The following DUOX1 variants were observed in gnomAD, a reference collection of about 807,000 sequenced individuals.
DUOX1 encodes NADPH thyroid oxidase 1.
Under a neutral mutation model 181.8 loss-of-function variants are expected in DUOX1, and 134 were observed. That is an observed-to-expected ratio of 0.74 (90% CI 0.64 to 0.85). DUOX1 has a LOEUF of 0.85. Ranked by LOEUF, DUOX1 falls within the 40% of genes least tolerant of loss-of-function variation. The pLI is 0.00. For missense variants in DUOX1, 1,814 were observed against 2,064.4 expected (o/e 0.88, Z 2.35); for synonymous variants, 798 against 832.5 (o/e 0.96, Z 0.71).
chr15:45,149,938 G>T (rs1387036757), intron 21 of DUOX1, among the ~76,000 whole-genome samples: 1 of 152,228 alleles, frequency 6.6e-6, no homozygotes, highest in African/African-American at 2.4e-5. Flanking sequence ...TGAGAGTACA[G>T]GCATTAATAC....
In DUOX1 at chr15:45,142,785, AAGGGAGGG is replaced by A. The variant is rs145504684; in HGVS notation, c.1823-401_1823-394del. 4.6e-3 allele frequency among the ~76,000 whole-genome samples: 661 copies of A among 143,556 alleles called. 3 individuals are homozygous for A. Among genetic ancestry groups the A allele is most frequent in the East Asian group, 0.019 (86 of 4,626 alleles). The allele number at this position is 143,556 out of a possible 152,430, so 94.2% of individuals were successfully genotyped here. ...GAAGGAAAGAAGGAAGGAAGGAAGG[AAGGGAGGG>A]AGGAAGGGAGGGAGGAAGAGCAGGC... is the stretch of plus-strand genomic sequence containing the variant. On this transcript the variant is annotated intron_variant, in intron 15 of 33. Coordinates refer to ENST00000389037, the MANE Select transcript of DUOX1 (RefSeq NM_175940.3).
chr15:45,140,866 C>G, intron 12 of DUOX1, 29 bp from the exon 13 acceptor site: 1 of 1,609,578 alleles, frequency 6.2e-7, no homozygotes, highest in Non-Finnish European at 8.5e-7. Flanking sequence ...CGTGTCCTTT[C>G]TCTTACTTCT....
In DUOX1 at chr15:45,162,339, T is replaced by G; in HGVS notation, c.4210T>G (p.Phe1404Val). The change falls in exon 31 of 34, where the codon TTC becomes GTC. Residue 1404 changes from phenylalanine to valine, a missense_variant. Around this residue, in one of 5 missense-constraint regions of DUOX1, gnomAD observed 279 missense variants for 381.9 expected, o/e 0.73. Coordinates refer to ENST00000389037, the MANE Select transcript of DUOX1 (RefSeq NM_175940.3). Reference sequence around the variant, plus strand: ...TGCCTCCATCCTCAAAGACCTGGTCTTCAAGTCATCCGTCAGCTGCCAAGT... The same window carrying G: ...TGCCTCCATCCTCAAAGACCTGGTCGTCAAGTCATCCGTCAGCTGCCAAGT... ...PFASILKDLVFKSSVSCQVFC... is the reference protein window; with the variant it reads ...PFASILKDLVVKSSVSCQVFC... 6.2e-7 allele frequency: 1 copy of G among 1,614,122 alleles called. No homozygotes were observed. The highest frequency in any genetic ancestry group is 8.5e-7 in the Non-Finnish European group (1 of 1,180,010).
In DUOX1 at chr15:45,165,127, G is replaced by C; in HGVS notation, c.*226G>C. The C allele has an allele frequency of 1.7e-6, 1 of 576,202 alleles. No individual in the cohort carries two copies. The highest frequency in any genetic ancestry group is 4.6e-4 in the Middle Eastern group (1 of 2,178). The allele number at this position is 576,202 out of a possible 1,614,324, so 35.7% of individuals were successfully genotyped here. A position where few individuals can be genotyped will look rare whatever the true frequency, so the allele number is the denominator to read the frequency against. The stretch of plus-strand genomic sequence containing the variant: ...GTGGGGGGGCAGTGTCTAGGGACTA[G>C]AGTGAGAAGTAGGGGAGCTACTGAT... On this transcript the variant is annotated 3_prime_UTR_variant, in exon 34 of 34. Transcript: ENST00000389037.
At chr15:45,134,360 C>T (rs779897417) in intron 4 of DUOX1, 51 bp downstream of exon 4, 1 of 1,535,212 alleles carries the variant, frequency 6.5e-7, no homozygotes, top group African/African-American at 1.4e-5. Flanking sequence ...GGCTGGACAC[C>T]TCTGCATGTG....
At chr15:45,139,768 C>A in intron 12 of DUOX1, 169 bp downstream of exon 12, 2 of 787,368 alleles carry the variant, frequency 2.5e-6, no homozygotes, top group Non-Finnish European at 3.9e-6. Flanking sequence ...ATGAAGATTA[C>A]CAGACCAGCA....
intron 20 of DUOX1, 79 bp from the exon 21 acceptor site, chr15:45,148,193 G>A: frequency 6.3e-7 from 1 of 1,596,194 alleles, no homozygotes. Flanking sequence ...AGAGAACTTG[G>A]TGCGATGGAG....
At position 45,136,616 on chromosome 15, in the gene DUOX1, T is replaced by C. The variant is rs1796405774; in HGVS notation, c.1013T>C (p.Val338Ala). 2.5e-6 allele frequency: 4 copies of C among 1,613,930 alleles called. No homozygotes were observed. In the African/African-American group the frequency reaches 5.3e-5, roughly 22 times the overall value. The change falls in exon 9 of 34, where the codon GTC (valine) becomes GCC (alanine). Residue 338 changes from valine (V) to alanine (A), a missense_variant. This residue lies in a region of DUOX1 where 1,064 missense variants were observed against 1,152.9 expected (regional missense o/e 0.92). Transcript: ENST00000389037. ...CTGTCCACCATGGTGCCCCCTGGCG[T>C]CTACATGAGGTGAGGGAGGGGCTCA... ...QFLSTMVPPG[V>A]YMRNASCHFQ...
intron 4 of DUOX1, 50 bp from the exon 5 acceptor site, chr15:45,135,054 G>A (rs1567007494): frequency 6.3e-7 from 1 of 1,593,208 alleles, no homozygotes; most frequent in Non-Finnish European, 8.5e-7. Flanking sequence ...AGGGTAAGAA[G>A]GAAAGTGGCC....
In DUOX1 at chr15:45,139,531, G is replaced by C. The variant is rs766654295; in HGVS notation, c.1321G>C (p.Ala441Pro). 6.2e-7 allele frequency: 1 copy of C among 1,613,056 alleles called. No individual in the cohort carries two copies. The highest frequency in any genetic ancestry group is 8.5e-7 in the Non-Finnish European group (1 of 1,179,650). Residue 441 changes from alanine (A) to proline (P), a missense_variant, in exon 12 of 34, where the codon GCA becomes CCA. Transcript: ENST00000389037. ...GLPSYTKARA[A>P]LGLSPITRWQ... ...GCCCTCTTACACCAAGGCCAGGGCAGCACTGGGCTTGTCTCCCATTACCCG... is the reference window on the plus strand; with the variant it reads ...GCCCTCTTACACCAAGGCCAGGGCACCACTGGGCTTGTCTCCCATTACCCG...
At position 45,155,821 on chromosome 15, in the gene DUOX1, G is replaced by A; in HGVS notation, c.3594G>A (p.Leu1198=). 1.2e-6 allele frequency: 2 copies of A among 1,613,936 alleles called. No individual in the cohort carries two copies. Among genetic ancestry groups the A allele is most frequent in the African/African-American group, 1.3e-5 (1 of 75,002 alleles). ...TTGCAGGCCTCACGGGGGTTGTGCTGCTCCTGATCCTGGCCATCATGTATG... is the reference window on the plus strand; with the variant it reads ...TTGCAGGCCTCACGGGGGTTGTGCTACTCCTGATCCTGGCCATCATGTATG... ...QTVPGLTGVV[L]LLILAIMYVF... Residue 1198 remains leucine (L), a synonymous_variant, in exon 28 of 34, where the codon CTG becomes CTA. Transcript: ENST00000389037.
Position 45,137,999 on chromosome 15 carries a change from C to G in DUOX1, c.1098C>G (p.Ser366Arg), listed in dbSNP as rs1223209565. The change falls in exon 10 of 34, where the codon AGC (serine) becomes AGG (arginine). Residue 366 changes from serine to arginine, a missense_variant. Coordinates refer to ENST00000389037, the MANE Select transcript of DUOX1 (RefSeq NM_175940.3). ...CCAGAGCTCTCCGGGTCTGCAACAG[C>G]TACTGGAGCCGTGAGGTCCGAGCTG... ...SVSRALRVCN[S>R]YWSREHPSLQ... 6.2e-7 allele frequency: 1 copy of G among 1,608,618 alleles called. No individual in the cohort carries two copies. Among genetic ancestry groups the G allele is most frequent in the Non-Finnish European group, 8.5e-7 (1 of 1,176,818 alleles).
In DUOX1 at chr15:45,163,703, C is replaced by G; in HGVS notation, c.4404+16C>G. Reference sequence around the variant, plus strand: ...CACTATGCTGGTATGTCAGGGCCCACCAGGAGGGTATGCGGGCCACTGTCT... The same window carrying G: ...CACTATGCTGGTATGTCAGGGCCCAGCAGGAGGGTATGCGGGCCACTGTCT... On this transcript the variant is annotated intron_variant, in intron 32 of 33. Transcript: ENST00000389037. 1 of 1,614,072 alleles carries G rather than the reference C, an allele frequency of 6.2e-7. No individual in the cohort carries two copies. Among genetic ancestry groups the G allele is most frequent in the Non-Finnish European group, 8.5e-7 (1 of 1,179,952 alleles).
intron 14 of DUOX1, 41 bp downstream of exon 14, chr15:45,141,451 A>T: frequency 1.3e-6 from 2 of 1,593,012 alleles, no homozygotes; most frequent in Non-Finnish European, 1.7e-6. Context: ...GTGGGTCTGG[A>T]GCCTCGTCCC....
rs1490770271 is a variant in DUOX1 at position 45,133,864 on chromosome 15, G to A, written c.59G>A (p.Gly20Glu). The change falls in exon 3 of 34, where the codon GGA becomes GAA. Residue 20 changes from glycine (G) to glutamate (E), a missense_variant and splice_region_variant. By Grantham distance (98) the Gly-to-Glu change is moderately conservative. This residue lies in a region of DUOX1 where 320 missense variants were observed against 313.1 expected (regional missense o/e 1.02). Coordinates refer to ENST00000389037, the MANE Select transcript of DUOX1 (RefSeq NM_175940.3). ...TLLVGAWTPL[G>E]AQNPISWEVQ... ...GCCCCTTCCCTCCATTCTCACACAG[G>A]AGCTCAGAACCCCATTTCGTGGGAG... 5 of 1,613,362 alleles carry A rather than the reference G, an allele frequency of 3.1e-6. No homozygotes were observed. In the Admixed American group the frequency reaches 8.3e-5, roughly 27 times the overall value.
At chr15:45,150,468 T>G in intron 21 of DUOX1, 164 bp from the exon 22 acceptor site, 4 of 639,928 alleles carry the variant, frequency 6.3e-6, no homozygotes, top group Non-Finnish European at 1.1e-5. Flanking sequence ...CCAGCTCCCA[T>G]TGGGGACAAG....
chr15:45,164,731 C>A (rs1244012832), intron 33 of DUOX1, 48 bp from the exon 34 acceptor site: 6 of 1,612,800 alleles, frequency 3.7e-6, no homozygotes, highest in Non-Finnish European at 5.1e-6. Context: ...CTGCGTTATC[C>A]CTGCCTCTGA....
In DUOX1 at chr15:45,161,835, C is replaced by T; in HGVS notation, c.3954C>T (p.Tyr1318=). 1 of 1,613,946 alleles carries T rather than the reference C, an allele frequency of 6.2e-7. No homozygotes were observed. Among genetic ancestry groups the T allele is most frequent in the Non-Finnish European group, 8.5e-7 (1 of 1,179,986 alleles). Residue 1318 remains tyrosine, a synonymous_variant, in exon 30 of 34, where the codon TAC becomes TAT. Transcript: ENST00000389037. ...GCCTGGCTCTGGGGACCACCGAGTA[C>T]CACCCCTTCACACTGACCTCTGCGC... ...IACLALGTTE[Y]HPFTLTSAPH... is the part of the protein sequence containing the mutation.
Position 45,163,811 on chromosome 15 carries a change from C to G in DUOX1, c.4426C>G (p.Gln1476Glu), listed in dbSNP as rs750050103. 6 of 1,614,126 alleles carry G rather than the reference C, an allele frequency of 3.7e-6. No homozygotes were observed. The change falls in exon 33 of 34, where the codon CAG becomes GAG. Residue 1476 changes from glutamine (Q) to glutamate (E), a missense_variant. Around this residue, in one of 5 missense-constraint regions of DUOX1, gnomAD observed 124 missense variants for 125.7 expected, o/e 0.99. Transcript: ENST00000389037. ...TMLYICERHFQKVLNRSLFTG... is the reference protein window; with the variant it reads ...TMLYICERHFEKVLNRSLFTG... ...ATAGTACATCTGTGAGCGGCACTTC[C>G]AGAAGGTTCTGAACCGGAGTCTATT...
Sources: gnomAD v4.1 joint callset for allele counts (sites outside exome capture counted in the v4.1 genomes callset) on GRCh38, gnomAD v4.1.1 for gene constraint, gnomAD v4.1.1 regional missense constraint, MANE v1.5 for transcripts, NCBI Gene and HGNC (gene_info 2026-07-23, HGNC 2026-07-21) for gene names.